The following CCR5AS variants were observed in gnomAD, a reference collection of about 807,000 sequenced individuals.
The protein encoded by CCR5AS is CCR5 antisense RNA.
At chr3:46,402,915 C>G (rs978176293) in intron 1 of CCR5AS, among the ~76,000 whole-genome samples, 1 of 152,148 alleles carries the variant, frequency 6.6e-6, no homozygotes, top group Non-Finnish European at 1.5e-5. Flanking sequence ...AAGTAGACCC[C>G]GGTGTCTGTT....
intron 1 of CCR5AS, among the ~76,000 whole-genome samples, chr3:46,395,242 A>T (rs917976133): frequency 6.6e-6 from 1 of 152,096 alleles, no homozygotes; most frequent in Non-Finnish European, 1.5e-5. Context: ...TTTTCAGGAC[A>T]GGCTGAGTTG....
intron 1 of CCR5AS, among the ~76,000 whole-genome samples, chr3:46,404,608 G>T (rs956691990): frequency 6.6e-6 from 1 of 151,876 alleles, no homozygotes. Flanking sequence ...AAAGTGCTGG[G>T]ATTACAGGCA....
At chr3:46,387,585 C>CA (rs1270705810) in intron 2 of CCR5AS, among the ~76,000 whole-genome samples, 2 of 152,090 alleles carry the variant, frequency 1.3e-5, no homozygotes, top group African/African-American at 4.8e-5. Flanking sequence ...CCCGTCTCTA[C>CA]AAAAAATACA....
At chr3:46,395,643 C>T (rs186987793) in intron 1 of CCR5AS, among the ~76,000 whole-genome samples, 10 of 152,232 alleles carry the variant, frequency 6.6e-5, no homozygotes, top group Non-Finnish European at 1.3e-4. Flanking sequence ...CCTCTGCCCA[C>T]TCATGGCAAA....
At chr3:46,383,278 G>A (rs1048851065) in intron 2 of CCR5AS, among the ~76,000 whole-genome samples, 3 of 152,154 alleles carry the variant, frequency 2.0e-5, no homozygotes, top group Non-Finnish European at 2.9e-5. Flanking sequence ...TTTTAGGGTG[G>A]ATTAACCTGC....
chr3:46,405,457 T>G (rs1702036048), intron 1 of CCR5AS, among the ~76,000 whole-genome samples: 1 of 152,182 alleles, frequency 6.6e-6, no homozygotes, highest in Non-Finnish European at 1.5e-5. Context: ...TGACTTGACT[T>G]TCCTTCCTTT....
intron 3 of CCR5AS, among the ~76,000 whole-genome samples, chr3:46,365,726 CTT>C (rs1418018730): frequency 6.6e-6 from 1 of 152,146 alleles, no homozygotes; most frequent in Non-Finnish European, 1.5e-5. Context: ...TGAGATCTCT[CTT>C]TGATTTGACT....
chr3:46,395,372 G>A (rs1298752975), intron 1 of CCR5AS, among the ~76,000 whole-genome samples: 1 of 152,088 alleles, frequency 6.6e-6, no homozygotes, highest in Non-Finnish European at 1.5e-5. Flanking sequence ...GATGCCGTAG[G>A]GGTGGACTCA....
At chr3:46,403,751 C>T (rs1285047350) in intron 1 of CCR5AS, among the ~76,000 whole-genome samples, 1 of 152,186 alleles carries the variant, frequency 6.6e-6, no homozygotes. Flanking sequence ...GAGGAAGACG[C>T]TCTTGGAGTG....
intron 1 of CCR5AS, among the ~76,000 whole-genome samples, chr3:46,394,583 A>G (rs1217478968): frequency 6.6e-6 from 1 of 152,040 alleles, no homozygotes; most frequent in Non-Finnish European, 1.5e-5. Flanking sequence ...CCTGGAGAAC[A>G]TGTCTCACAT....
intron 2 of CCR5AS, among the ~76,000 whole-genome samples, chr3:46,381,866 T>A (rs1701820262): frequency 6.6e-6 from 1 of 152,216 alleles, no homozygotes; most frequent in South Asian, 2.1e-4. Context: ...CTTGGGCAAG[T>A]GACTTAACGT....
At chr3:46,384,515 G>A (rs1331052900) in intron 2 of CCR5AS, among the ~76,000 whole-genome samples, 1 of 152,162 alleles carries the variant, frequency 6.6e-6, no homozygotes, top group East Asian at 1.9e-4. Context: ...TGATTTGGGG[G>A]CTGCTTTTCA....
At chr3:46,390,582 A>G (rs906697279) in intron 2 of CCR5AS, among the ~76,000 whole-genome samples, 1 of 152,082 alleles carries the variant, frequency 6.6e-6, no homozygotes, top group Non-Finnish European at 1.5e-5. Flanking sequence ...TCGGTTGCCA[A>G]GGTAGGAGTA....
At chr3:46,379,185 C>T (rs1363110594) in intron 2 of CCR5AS, among the ~76,000 whole-genome samples, 2 of 123,396 alleles carry the variant, frequency 1.6e-5, no homozygotes, top group Admixed American at 9.3e-5. Flanking sequence ...CCCCACCCCA[C>T]CACAGTCCCC....
At chr3:46,385,123 C>G (rs565857245) in intron 2 of CCR5AS, among the ~76,000 whole-genome samples, 21 of 152,166 alleles carry the variant, frequency 1.4e-4, no homozygotes, top group Admixed American at 2.6e-4. Context: ...AGCACAGTAC[C>G]CGAGTGCATT....
chr3:46,388,871 G>C (rs1270279216), intron 2 of CCR5AS, among the ~76,000 whole-genome samples: 1 of 152,212 alleles, frequency 6.6e-6, no homozygotes, highest in African/African-American at 2.4e-5. Flanking sequence ...GAAAGTATTG[G>C]AGGGTGCCCT....
At chr3:46,404,423 C>G (rs555465389) in intron 1 of CCR5AS, among the ~76,000 whole-genome samples, 4 of 150,614 alleles carry the variant, frequency 2.7e-5, no homozygotes, top group African/African-American at 9.7e-5. Context: ...CAACCTCCAC[C>G]TCCTGGGTTC....
chr3:46,403,566 G>A (rs1447754610), intron 1 of CCR5AS, among the ~76,000 whole-genome samples: 2 of 152,168 alleles, frequency 1.3e-5, no homozygotes, highest in Admixed American at 6.5e-5. Context: ...AGGAAGGGGC[G>A]AACTCAAAAA....
intron 1 of CCR5AS, among the ~76,000 whole-genome samples, chr3:46,398,871 G>C (rs1057189862): frequency 2.0e-5 from 3 of 152,122 alleles, no homozygotes; most frequent in Admixed American, 6.5e-5. Flanking sequence ...TTATTCCATA[G>C]GATTGGGAAA....
Sources: allele counts gnomAD v4.1 joint callset (sites outside exome capture counted in the v4.1 genomes callset), GRCh38; gene constraint gnomAD v4.1.1; transcripts MANE v1.5; gene names NCBI Gene and HGNC (gene_info 2026-07-23, HGNC 2026-07-21).